Variants in SPAST observed in about 807,000 individuals in gnomAD.
SPAST encodes the protein spastin.
Under a neutral mutation model 76.6 loss-of-function variants are expected in SPAST, and 30 were observed. That is an observed-to-expected ratio of 0.39 (90% CI 0.29 to 0.53). The LOEUF is 0.53. Among genes scored for constraint, SPAST ranks in the 20% least tolerant of loss-of-function variants. The probability of loss-of-function intolerance (pLI) is 0.68; values close to 1 mark genes in which losing one functional copy is unlikely to be tolerated. For missense variants in SPAST, 717 were observed against 770.5 expected, an observed-to-expected ratio of 0.93 and a Z score of 0.82; for synonymous variants, 305 against 281.0, an observed-to-expected ratio of 1.09 and a Z score of -0.86.
intron 8 of SPAST, 155 bp from the exon 9 acceptor site, chr2:32,128,253 C>T (rs1052293624): frequency 2.4e-5 from 15 of 613,804 alleles, no homozygotes; most frequent in Admixed American, 5.1e-5. Context: ...CCTCGGCCTC[C>T]GAAAGTGCTG....
intron 9 of SPAST, among the ~76,000 whole-genome samples, chr2:32,135,178 G>A (rs1679496486): frequency 1.3e-5 from 2 of 151,218 alleles, no homozygotes; most frequent in African/African-American, 4.9e-5. Context: ...CGCCCGGGCT[G>A]GAGTGCAGTG....
Position 32,095,365 on chromosome 2 carries a change from T to C in SPAST, c.587-3431T>C, listed in dbSNP as rs190589558. On this transcript the variant is annotated intron_variant, in intron 3 of 16. Coordinates refer to ENST00000315285, the MANE Select transcript of SPAST (RefSeq NM_014946.4). The stretch of plus-strand genomic sequence containing the variant: ...AAGCTTTCTTGTGTGACAAAGCTGG[T>C]TAAAGAAAGAAAAGAAAGCTTCCTA... Among the ~76,000 whole-genome samples, 22 of 152,184 alleles carry C rather than the reference T, an allele frequency of 1.4e-4. 1 individual carries two copies. In the East Asian group the frequency reaches 3.7e-3, roughly 25 times the overall value.
In SPAST at chr2:32,115,702, G is replaced by C; in HGVS notation, c.871G>C (p.Gly291Arg). Reference sequence around the variant, plus strand: ...ATATTAAAATTTTGTATCCTTTAAGGGTACTCCGAAAACAAATAGGACAAA... The same window carrying C: ...ATATTAAAATTTTGTATCCTTTAAGCGTACTCCGAAAACAAATAGGACAAA... Reference protein sequence around the residue: ...GSGPAPTTHKGTPKTNRTNKP... With the variant: ...GSGPAPTTHKRTPKTNRTNKP... The change falls in exon 6 of 17, where the codon GGT becomes CGT. Residue 291 changes from glycine to arginine, a missense_variant and splice_region_variant. This residue lies in a region of SPAST where 543 missense variants were observed against 445.2 expected (regional missense o/e 1.22). Transcript: ENST00000315285. 1 of 1,603,826 alleles carries C rather than the reference G, an allele frequency of 6.2e-7. No homozygotes were observed. Among genetic ancestry groups the C allele is most frequent in the African/African-American group, 1.3e-5 (1 of 74,778 alleles).
intron 3 of SPAST, 23 bp from the exon 4 acceptor site, chr2:32,098,773 T>G: frequency 6.6e-7 from 1 of 1,512,894 alleles, no homozygotes; most frequent in Non-Finnish European, 9.2e-7. Flanking sequence ...TTTTTTCTGT[T>G]TTTTACCTTC....
intron 14 of SPAST, among the ~76,000 whole-genome samples, chr2:32,144,108 A>C (rs754248335): frequency 1.6e-4 from 25 of 152,200 alleles, no homozygotes; most frequent in Non-Finnish European, 2.9e-4. Context: ...AAAGTAATAT[A>C]AAGTATTCAA....
intron 16 of SPAST, among the ~76,000 whole-genome samples, chr2:32,151,797 C>G (rs775821734): frequency 8.6e-5 from 13 of 151,984 alleles, no homozygotes; most frequent in Non-Finnish European, 1.6e-4. Flanking sequence ...GTAATCCCAG[C>G]TGCTCGGGAG....
At chr2:32,133,284 A>G (rs1269275833) in intron 9 of SPAST, among the ~76,000 whole-genome samples, 1 of 152,236 alleles carries the variant, frequency 6.6e-6, no homozygotes, top group Non-Finnish European at 1.5e-5. Flanking sequence ...GCATAAGTAT[A>G]CAGCTGTATA....
At position 32,064,212 on chromosome 2, in the gene SPAST, C is replaced by T. The variant is rs1407788328; in HGVS notation, c.381C>T (p.Ile127=). The T allele has an allele frequency of 3.2e-6, 5 of 1,552,392 alleles. No individual in the cohort carries two copies. In the Admixed American group the frequency reaches 5.9e-5, roughly 18 times the overall value. Residue 127 remains isoleucine (I), a synonymous_variant, in exon 1 of 17, where the codon ATC becomes ATT. Transcript: ENST00000315285. ...RVFHKQAFEY[I]SIALRIDEDE... ...TCCACAAACAGGCCTTCGAGTACAT[C>T]TCCATTGCCCTGCGCATCGATGAGG...
At chr2:32,140,092 G>A (rs6723154) in intron 12 of SPAST, among the ~76,000 whole-genome samples, 55,346 of 151,750 alleles carry the variant, frequency 0.36, 10,473 homozygotes, top group East Asian at 0.64. Context: ...GTTATGTTGC[G>A]TCCTTTTGTT....
intron 4 of SPAST, among the ~76,000 whole-genome samples, chr2:32,099,843 T>C (rs922943349): frequency 7.2e-5 from 11 of 152,194 alleles, no homozygotes; most frequent in Non-Finnish European, 1.2e-4. Flanking sequence ...TTTTTATTTC[T>C]ATGAGATTAA....
chr2:32,085,916 C>T (rs1677456454), intron 1 of SPAST, among the ~76,000 whole-genome samples: 1 of 152,028 alleles, frequency 6.6e-6, no homozygotes, highest in Non-Finnish European at 1.5e-5. Context: ...GTGGCACGTG[C>T]CTGTAACCCC....
chr2:32,064,490 C>G (rs767640108), intron 1 of SPAST, among the ~76,000 whole-genome samples: 2 of 152,230 alleles, frequency 1.3e-5, no homozygotes, highest in Non-Finnish European at 2.9e-5. Context: ...CCCCACACTT[C>G]TGCATGACCC....
rs1388874633 is a variant in SPAST at position 32,157,296 on chromosome 2, A to T, written c.*2800A>T. ...TAAGGGTAAAAGCTTATTCTAAGAC[A>T]GTCTGTCCATTGAGAATATTAGATT... On this transcript the variant is annotated 3_prime_UTR_variant, in exon 17 of 17. Coordinates refer to ENST00000315285, the MANE Select transcript of SPAST (RefSeq NM_014946.4). The T allele has an allele frequency of 2.0e-5, 3 of 152,778 alleles. No homozygotes were observed. Among genetic ancestry groups the T allele is most frequent in the Non-Finnish European group, 4.4e-5 (3 of 68,024 alleles). 9.5% of individuals were successfully genotyped at this position (152,778 alleles called of 1,614,324 possible).
chr2:32,109,894 G>C (rs1293017448), intron 4 of SPAST, among the ~76,000 whole-genome samples: 3 of 147,740 alleles, frequency 2.0e-5, no homozygotes, highest in African/African-American at 4.9e-5. Context: ...AGTTACATAT[G>C]TATATGCATA....
chr2:32,137,296 A>G (rs1679572270), intron 12 of SPAST, 108 bp downstream of exon 12: 2 of 934,130 alleles, frequency 2.1e-6, no homozygotes, highest in Non-Finnish European at 3.5e-6. Flanking sequence ...TAAATTCACT[A>G]TTTTCTTCCA....
intron 13 of SPAST, among the ~76,000 whole-genome samples, chr2:32,142,629 G>A (rs1408840646): frequency 1.3e-5 from 2 of 151,906 alleles, no homozygotes; most frequent in Non-Finnish European, 2.9e-5. Context: ...TAGCCAGGAT[G>A]GTGTGATCCG....
At chr2:32,131,828 A>C (rs990990430) in intron 9 of SPAST, among the ~76,000 whole-genome samples, 30 of 151,758 alleles carry the variant, frequency 2.0e-4, no homozygotes, top group African/African-American at 6.8e-4. Flanking sequence ...ACACTTGGCT[A>C]ATTTTTGTAT....
intron 7 of SPAST, among the ~76,000 whole-genome samples, chr2:32,122,326 T>C (rs1679047442): frequency 6.6e-6 from 1 of 152,066 alleles, no homozygotes; most frequent in African/African-American, 2.4e-5. Flanking sequence ...TTGTTTTGTT[T>C]TCTGTTTTGT....
chr2:32,121,196 A>G (rs1265374523), intron 7 of SPAST, among the ~76,000 whole-genome samples: 1 of 152,110 alleles, frequency 6.6e-6, no homozygotes, highest in Non-Finnish European at 1.5e-5. Context: ...CTTCTCACCC[A>G]GGCTAGAGTG....
Sources: gnomAD v4.1 joint callset for allele counts (sites outside exome capture counted in the v4.1 genomes callset) on GRCh38, gnomAD v4.1.1 for gene constraint, gnomAD v4.1.1 regional missense constraint, MANE v1.5 for transcripts, NCBI Gene and HGNC (gene_info 2026-07-23, HGNC 2026-07-21) for gene names.